Variants in SECISBP2L observed in about 807,000 individuals in gnomAD.
The protein encoded by SECISBP2L is SECIS binding protein 2 like.
Under a neutral mutation model 114.7 loss-of-function variants are expected in SECISBP2L, and 43 were observed. That is an observed-to-expected ratio of 0.38 (90% CI 0.29 to 0.48). The LOEUF (loss-of-function observed/expected upper bound fraction) is 0.48, where lower values mean the gene tolerates loss of function less well. SECISBP2L is among the 20% of genes least tolerant of loss of function. SECISBP2L has a pLI of 0.98. For synonymous variants in SECISBP2L, 451 were observed against 439.7 expected, an observed-to-expected ratio of 1.03 and a Z score of -0.32; for missense variants, 1,136 against 1,301.1, an observed-to-expected ratio of 0.87 and a Z score of 1.95.
At chr15:49,012,602 C>T in intron 12 of SECISBP2L, 46 bp downstream of exon 12, 1 of 1,585,828 alleles carries the variant, frequency 6.3e-7, no homozygotes, top group African/African-American at 1.4e-5. Context: ...AGATTAAAAT[C>T]CTTATTCATC....
Position 48,999,923 on chromosome 15 carries a change from C to A in SECISBP2L, c.2313G>T (p.Val771=), listed in dbSNP as rs1902168564. ...CTAGAGCTTTCCTTCCAAGGGCAAACACAAAAGGAATTTCTTGTTCCCGTG... is the reference window on the plus strand; with the variant it reads ...CTAGAGCTTTCCTTCCAAGGGCAAAAACAAAAGGAATTTCTTGTTCCCGTG... ...AMAREQEIPF[V]FALGRKALGR... The change falls in exon 16 of 18, where the codon GTG becomes GTT. Residue 771 remains valine, a synonymous_variant. Transcript: ENST00000559471. The A allele has an allele frequency of 6.2e-7, 1 of 1,613,906 alleles. No individual in the cohort carries two copies. The highest frequency in any genetic ancestry group is 1.7e-5 in the Admixed American group (1 of 59,976).
chr15:49,002,895 C>T (rs1902240921), intron 14 of SECISBP2L, among the ~76,000 whole-genome samples: 1 of 152,138 alleles, frequency 6.6e-6, no homozygotes, highest in Admixed American at 6.5e-5. Context: ...ATGCCTCCAG[C>T]TTTGTTCTTT....
At chr15:49,019,984 G>T (rs1050282241) in intron 7 of SECISBP2L, among the ~76,000 whole-genome samples, 1 of 152,158 alleles carries the variant, frequency 6.6e-6, no homozygotes, top group African/African-American at 2.4e-5. Flanking sequence ...CAAAAAGACT[G>T]TATGAAGGCA....
chr15:49,019,367 T>C (rs1902597195), intron 8 of SECISBP2L, 51 bp downstream of exon 8: 1 of 1,291,552 alleles, frequency 7.7e-7, no homozygotes, highest in African/African-American at 1.5e-5. Flanking sequence ...ATTAATTTCT[T>C]AATGGGAACA....
intron 1 of SECISBP2L, among the ~76,000 whole-genome samples, chr15:49,038,665 T>C (rs924427342): frequency 6.6e-6 from 1 of 152,126 alleles, no homozygotes; most frequent in Non-Finnish European, 1.5e-5. Flanking sequence ...TACATTGGTT[T>C]TATGCAGTTT....
At chr15:49,006,894 C>T (rs1317981913) in intron 14 of SECISBP2L, among the ~76,000 whole-genome samples, 1 of 152,158 alleles carries the variant, frequency 6.6e-6, no homozygotes, top group Non-Finnish European at 1.5e-5. Flanking sequence ...TTGCAATTTT[C>T]AGCCTTTTTG....
Position 49,009,372 on chromosome 15 carries a change from C to A in SECISBP2L, c.1871G>T (p.Gly624Val). The change falls in exon 14 of 18, where the codon GGA (glycine) becomes GTA (valine). Residue 624 changes from glycine to valine, a missense_variant. Coordinates refer to ENST00000559471, the MANE Select transcript of SECISBP2L (RefSeq NM_001193489.2). ...PQEIVSQEDT[G>V]LSMPSDTSLS... is the part of the protein sequence containing the mutation. ...TGAAGTATCACTGGGCATGCTTAGT[C>A]CAGTATCTGTGGAGATGTGGAGTGA... 6.2e-7 allele frequency: 1 copy of A among 1,612,918 alleles called. No homozygotes were observed. Among genetic ancestry groups the A allele is most frequent in the Non-Finnish European group, 8.5e-7 (1 of 1,179,566 alleles).
chr15:49,024,843 G>A (rs1024187563), intron 7 of SECISBP2L, among the ~76,000 whole-genome samples: 1 of 152,180 alleles, frequency 6.6e-6, no homozygotes, highest in Non-Finnish European at 1.5e-5. Context: ...CAAAGCATCA[G>A]AAGTAGAAAG....
chr15:49,009,600 G>A (rs1566855227), intron 13 of SECISBP2L, among the ~76,000 whole-genome samples: 3 of 152,160 alleles, frequency 2.0e-5, no homozygotes, highest in Non-Finnish European at 2.9e-5. Flanking sequence ...TTAGCCAGGT[G>A]AGGTGGTGCA....
intron 17 of SECISBP2L, among the ~76,000 whole-genome samples, chr15:48,994,144 AT>A (rs1902043462): frequency 6.6e-6 from 1 of 151,604 alleles, no homozygotes; most frequent in Non-Finnish European, 1.5e-5. Flanking sequence ...CTATATTCTC[AT>A]TCTCAGCTAA....
At position 49,016,411 on chromosome 15, in the gene SECISBP2L, TACAC is replaced by T. The variant is rs969974481; in HGVS notation, c.1561+145_1561+148del. 7 of 631,914 alleles carry T rather than the reference TACAC, an allele frequency of 1.1e-5. No individual in the cohort carries two copies. The Admixed American group carries it at 1.1e-4, about 10-fold the overall frequency. The allele number at this position is 631,914 out of a possible 1,614,324, so 39.1% of individuals were successfully genotyped here. A position where few individuals can be genotyped will look rare whatever the true frequency, so the allele number is the denominator to read the frequency against. On this transcript the variant is annotated intron_variant, in intron 11 of 17. Coordinates refer to ENST00000559471, the MANE Select transcript of SECISBP2L (RefSeq NM_001193489.2). ...GCTTGCGGTTTAAGCTGACTTAAAATACACACACACAAACACACATACATATATA... is the reference window on the plus strand; with the variant it reads ...GCTTGCGGTTTAAGCTGACTTAAAATACACACAAACACACATACATATATA...
chr15:49,023,012 C>A (rs996254765), intron 7 of SECISBP2L, among the ~76,000 whole-genome samples: 1 of 137,382 alleles, frequency 7.3e-6, no homozygotes, highest in Non-Finnish European at 1.6e-5. Context: ...TGATTTAAAA[C>A]CCTTTAGAAG....
At chr15:49,031,088 TGCCAGGCTGGA>T (rs1223236460) in intron 4 of SECISBP2L, among the ~76,000 whole-genome samples, 8 of 148,614 alleles carry the variant, frequency 5.4e-5, no homozygotes, top group Non-Finnish European at 3.0e-5. Context: ...CTTTCTCAGT[TGCCAGGCTGGA>T]GTGCAGTGAT....
At position 49,035,339 on chromosome 15, in the gene SECISBP2L, G is replaced by A. The variant is rs1427196437; in HGVS notation, c.523C>T (p.Pro175Ser). Residue 175 changes from proline to serine, a missense_variant, in exon 3 of 18, where the codon CCA becomes TCA. This residue lies in a region of SECISBP2L where 452 missense variants were observed against 452.3 expected (regional missense o/e 1.00). Transcript: ENST00000559471. ...AATCAAGACCAGACACTTACTTTTG[G>A]GACCACTGATCCTCTGTTACTGTTT... ...SRNSNRGSVV[P>S]KQQLLQQHIK... The A allele has an allele frequency of 6.2e-7, 1 of 1,612,164 alleles. No individual in the cohort carries two copies. Among genetic ancestry groups the A allele is most frequent in the South Asian group, 1.1e-5 (1 of 90,938 alleles).
At position 48,993,110 on chromosome 15, in the gene SECISBP2L, T is replaced by A. The variant is rs929872241; in HGVS notation, c.2624-184A>T. On this transcript the variant is annotated intron_variant, in intron 17 of 17. Transcript: ENST00000559471. The stretch of plus-strand genomic sequence containing the variant: ...TTGAGACAGAGAGAGAGTGTGTGTG[T>A]GTGTGTGTGTGTGTGTGTGTGTGTG... Among the ~76,000 whole-genome samples the A allele has an allele frequency of 3.2e-3, 476 of 150,240 alleles. 7 individuals are homozygous for A. The East Asian group carries it at 0.059, about 19-fold the overall frequency.
At chr15:49,028,419 T>C (rs762174878) in intron 5 of SECISBP2L, 34 bp downstream of exon 5, 31 of 1,587,518 alleles carry the variant, frequency 2.0e-5, no homozygotes, top group Non-Finnish European at 2.6e-5. Context: ...CTGATATCAA[T>C]GACCAATAAA....
chr15:48,997,647 G>A (rs566533590), intron 16 of SECISBP2L, among the ~76,000 whole-genome samples: 1 of 152,180 alleles, frequency 6.6e-6, no homozygotes, highest in Non-Finnish European at 1.5e-5. Flanking sequence ...GGGAGGCCAA[G>A]GCAAGAGAGG....
chr15:49,038,445 A>C (rs985734493), intron 1 of SECISBP2L, among the ~76,000 whole-genome samples: 3 of 151,562 alleles, frequency 2.0e-5, no homozygotes, highest in Admixed American at 6.6e-5. Flanking sequence ...AAAAAAAAAA[A>C]CCCTGTAGTA....
At chr15:49,028,714 T>C (rs765042210) in intron 4 of SECISBP2L, 32 bp from the exon 5 acceptor site, 5 of 1,517,870 alleles carry the variant, frequency 3.3e-6, no homozygotes, top group Non-Finnish European at 4.6e-6. Flanking sequence ...GACAATTCTT[T>C]GTGATGAACA....
Sources: gnomAD v4.1 joint callset for allele counts (sites outside exome capture counted in the v4.1 genomes callset) on GRCh38, gnomAD v4.1.1 for gene constraint, gnomAD v4.1.1 regional missense constraint, MANE v1.5 for transcripts, NCBI Gene and HGNC (gene_info 2026-07-23, HGNC 2026-07-21) for gene names.